The following SUFU variants were observed in gnomAD, a reference collection of about 807,000 sequenced individuals.
The protein encoded by SUFU is suppressor of fused homolog.
Under a neutral mutation model 58.9 loss-of-function variants are expected in SUFU, and 7 were observed. The ratio of observed to expected loss-of-function variants is 0.12; its 90% CI spans 0.07 to 0.22. The LOEUF (loss-of-function observed/expected upper bound fraction) is 0.22, where lower values mean the gene tolerates loss of function less well. Ranked by LOEUF, SUFU falls within the 10% of genes least tolerant of loss-of-function variation. The pLI, the probability that SUFU is intolerant of heterozygous loss-of-function variation, is 1.00. For missense variants in SUFU, 451 were observed against 641.3 expected (o/e 0.70, Z 3.20); for synonymous variants, 232 against 254.8 (o/e 0.91, Z 0.85).
chr10:102,528,783 A>G (rs1030084475), intron 2 of SUFU, among the ~76,000 whole-genome samples: 1 of 152,034 alleles, frequency 6.6e-6, no homozygotes, highest in African/African-American at 2.4e-5. Context: ...TGTCTCAGGA[A>G]CCATCTACTT....
intron 2 of SUFU, among the ~76,000 whole-genome samples, chr10:102,522,331 G>T (rs879282370): frequency 2.0e-5 from 3 of 152,178 alleles, no homozygotes; most frequent in Non-Finnish European, 4.4e-5. Flanking sequence ...GGTGGTAGCT[G>T]TCCTGAGGGG....
chr10:102,593,387 C>T (rs2063424159), intron 4 of SUFU, among the ~76,000 whole-genome samples: 1 of 152,204 alleles, frequency 6.6e-6, no homozygotes, highest in Non-Finnish European at 1.5e-5. Context: ...AAGAGCTAGA[C>T]TTGGTGTCAT....
intron 2 of SUFU, among the ~76,000 whole-genome samples, chr10:102,527,455 A>G (rs1429125367): frequency 2.0e-5 from 3 of 151,838 alleles, no homozygotes; most frequent in Non-Finnish European, 4.4e-5. Flanking sequence ...ATTTCCCCAA[A>G]AAGGAAATAG....
rs2063818630 is a variant in SUFU at position 102,629,553 on chromosome 10, T to C, written c.1366-513T>C. Among the ~76,000 whole-genome samples, 1 of 152,224 alleles carries C rather than the reference T, an allele frequency of 6.6e-6. No individual in the cohort carries two copies. The highest frequency in any genetic ancestry group is 6.5e-5 in the Admixed American group (1 of 15,290). On this transcript the variant is annotated intron_variant, in intron 11 of 11. Transcript: ENST00000369902. The surrounding 1 kb of genome is among the most constrained non-coding windows in gnomAD (Gnocchi z 4.7). The stretch of plus-strand genomic sequence containing the variant: ...CCCACCAAGGCCGCAAGTGTGGTTC[T>C]GACTTTGGGGCCGAACTGGGGCCTC...
chr10:102,623,176 T>G (rs1423841492), intron 10 of SUFU, among the ~76,000 whole-genome samples: 1 of 152,164 alleles, frequency 6.6e-6, no homozygotes, highest in East Asian at 1.9e-4. Context: ...GAGGGCTGTT[T>G]GTGTACAAAC....
chr10:102,594,748 C>T (rs1463384399), intron 6 of SUFU, among the ~76,000 whole-genome samples: 1 of 152,114 alleles, frequency 6.6e-6, no homozygotes, highest in Non-Finnish European at 1.5e-5. Flanking sequence ...GACGGAGTTT[C>T]GCTCTTCTCA....
At chr10:102,526,374 G>A (rs1422752684) in intron 2 of SUFU, among the ~76,000 whole-genome samples, 7 of 152,008 alleles carry the variant, frequency 4.6e-5, no homozygotes, top group Admixed American at 3.9e-4. Context: ...GCAATGTGGT[G>A]AAACCCCATC....
rs1226502910 is a variant in SUFU, at chr10:102,631,158, A to G, written c.*1003A>G. Reference sequence around the variant, plus strand: ...GTAACCAGTCCTGTCCCATTTCCTCAGTCCCTGGGCCTCCCAGCCTTCAGG... The same window carrying G: ...GTAACCAGTCCTGTCCCATTTCCTCGGTCCCTGGGCCTCCCAGCCTTCAGG... On this transcript the variant is annotated 3_prime_UTR_variant, in exon 12 of 12. Coordinates refer to ENST00000369902, the MANE Select transcript of SUFU (RefSeq NM_016169.4). 8.6e-6 allele frequency: 2 copies of G among 233,250 alleles called. No individual in the cohort carries two copies. Among genetic ancestry groups the G allele is most frequent in the Non-Finnish European group, 1.7e-5 (2 of 118,140 alleles). 14.4% of individuals were successfully genotyped at this position (233,250 alleles called of 1,614,324 possible).
At chr10:102,553,494 C>G (rs879933820) in intron 3 of SUFU, among the ~76,000 whole-genome samples, 1 of 149,460 alleles carries the variant, frequency 6.7e-6, no homozygotes, top group Non-Finnish European at 1.5e-5. Context: ...GATGGAGTCT[C>G]GCTCTATTGC....
Position 102,608,801 on chromosome 10 carries a change from T to C in SUFU, c.1023-6467T>C, listed in dbSNP as rs988351224. On this transcript the variant is annotated intron_variant, in intron 8 of 11. Coordinates refer to ENST00000369902, the MANE Select transcript of SUFU (RefSeq NM_016169.4). ...CTTACACAAAATGAAACCGGTACAT[T>C]TTCCCTCTGTCCTCCTCAGAGTCCA... Among the ~76,000 whole-genome samples the C allele has an allele frequency of 6.6e-5, 10 of 152,286 alleles. No individual in the cohort carries two copies. In the East Asian group the frequency reaches 1.9e-3, roughly 29 times the overall value.
chr10:102,612,063 G>A (rs2063630145), intron 8 of SUFU, among the ~76,000 whole-genome samples: 1 of 152,198 alleles, frequency 6.6e-6, no homozygotes, highest in Non-Finnish European at 1.5e-5. Context: ...GCAAAACATT[G>A]CAAACCTGTG....
intron 2 of SUFU, among the ~76,000 whole-genome samples, chr10:102,527,528 A>G (rs2062625828): frequency 6.7e-6 from 1 of 149,604 alleles, no homozygotes; most frequent in Non-Finnish European, 1.5e-5. Flanking sequence ...TATTTATAGT[A>G]CATCATGACA....
At chr10:102,588,307 G>A (rs1280397429) in intron 3 of SUFU, among the ~76,000 whole-genome samples, 1 of 151,720 alleles carries the variant, frequency 6.6e-6, no homozygotes, top group Non-Finnish European at 1.5e-5. Flanking sequence ...GCAGGAGAAC[G>A]GCGTGAACCT....
At chr10:102,527,774 T>C (rs1213259380) in intron 2 of SUFU, among the ~76,000 whole-genome samples, 1 of 152,150 alleles carries the variant, frequency 6.6e-6, no homozygotes, top group Non-Finnish European at 1.5e-5. Flanking sequence ...AAGATTTGTT[T>C]CTTCCCATTG....
At chr10:102,544,428 C>T (rs1393677113) in intron 2 of SUFU, among the ~76,000 whole-genome samples, 5 of 152,192 alleles carry the variant, frequency 3.3e-5, no homozygotes, top group Non-Finnish European at 5.9e-5. Context: ...AGGCCAGGCA[C>T]GGTGGCTGAC....
intron 3 of SUFU, among the ~76,000 whole-genome samples, chr10:102,555,117 A>T (rs570828735): frequency 6.6e-6 from 1 of 152,094 alleles, no homozygotes; most frequent in Non-Finnish European, 1.5e-5. Flanking sequence ...AAATAAAAAA[A>T]ATTAGCCGGA....
intron 2 of SUFU, among the ~76,000 whole-genome samples, chr10:102,542,325 G>A (rs1448067142): frequency 1.3e-5 from 2 of 151,880 alleles, no homozygotes; most frequent in Non-Finnish European, 2.9e-5. Context: ...TAGAGACAGG[G>A]TTTCTCCATG....
intron 2 of SUFU, among the ~76,000 whole-genome samples, chr10:102,549,266 A>C (rs1031253251): frequency 2.6e-5 from 4 of 152,244 alleles, no homozygotes; most frequent in South Asian, 2.1e-4. Context: ...ATTGACTCAC[A>C]GTTCCACATG....
chr10:102,555,551 T>G (rs1030364035), intron 3 of SUFU, among the ~76,000 whole-genome samples: 1 of 152,162 alleles, frequency 6.6e-6, no homozygotes, highest in African/African-American at 2.4e-5. Flanking sequence ...GGCTCCTTGG[T>G]TTTTTGTAGT....
Sources: gnomAD v4.1 joint callset for allele counts (sites outside exome capture counted in the v4.1 genomes callset) on GRCh38, gnomAD v4.1.1 for gene constraint, Gnocchi (gnomAD v3.1) non-coding constraint, MANE v1.5 for transcripts, NCBI Gene and HGNC (gene_info 2026-07-23, HGNC 2026-07-21) for gene names.